The following CDKL5 variants were observed in gnomAD, a reference collection of about 807,000 sequenced individuals.
CDKL5 encodes cyclin-dependent kinase-like 5.
Under a neutral mutation model 61.7 loss-of-function variants are expected in CDKL5, and 8 were observed. The ratio of observed to expected loss-of-function variants is 0.13; its 90% CI spans 0.08 to 0.23. The LOEUF (loss-of-function observed/expected upper bound fraction) is 0.23, where lower values mean the gene tolerates loss of function less well. CDKL5 is among the 10% of genes least tolerant of loss of function. The pLI is 1.00. For missense variants in CDKL5, 440 were observed against 734.5 expected, an observed-to-expected ratio of 0.60 and a Z score of 4.63; for synonymous variants, 275 against 272.3, an observed-to-expected ratio of 1.01 and a Z score of -0.10.
chrX:18,642,745 G>C (rs1239924783), downstream of CDKL5, among the ~76,000 whole-genome samples: 1 of 112,202 alleles, frequency 8.9e-6, no homozygotes, highest in Admixed American at 9.4e-5. Flanking sequence ...TTTTTAAAAA[G>C]ACATAAAAAC....
At chrX:18,432,530 C>T (rs1272929858) in intron 1 of CDKL5, among the ~76,000 whole-genome samples, 2 of 110,645 alleles carry the variant, frequency 1.8e-5, no homozygotes, top group African/African-American at 3.3e-5. Context: ...GTGTAAGCTA[C>T]CGTGCCTGGC....
chrX:18,519,311 A>T (rs1397193081), intron 3 of CDKL5, among the ~76,000 whole-genome samples: 1 of 112,090 alleles, frequency 8.9e-6, no homozygotes, highest in Non-Finnish European at 1.9e-5. Flanking sequence ...AAAGCCTGAA[A>T]TATTTATTAT....
chrX:18,467,620 A>G (rs1017381099), intron 1 of CDKL5, among the ~76,000 whole-genome samples: 6 of 111,829 alleles, frequency 5.4e-5, no homozygotes, highest in Non-Finnish European at 5.6e-5. Context: ...TAGCATTTTC[A>G]TGCATGCTCC....
intron 17 of CDKL5, 36 bp from the exon 18 acceptor site, chrX:18,628,335 C>T (rs1214026897): frequency 1.7e-6 from 2 of 1,198,419 alleles, no homozygotes; most frequent in East Asian, 5.9e-5. Flanking sequence ...GTCGCTCTAA[C>T]TTGAATCCTG....
chrX:18,584,856 C>A lies in CDKL5; in HGVS notation c.554+503C>A, dbSNP rs41297309. ...CATGTTACATGACCAACCCCTGATT[C>A]ATGGTATGGAGAAATAAATTCCATC... On this transcript the variant is annotated intron_variant, in intron 8 of 17. Transcript: ENST00000623535. Among the ~76,000 whole-genome samples, 389 of 111,844 alleles carry A rather than the reference C, an allele frequency of 3.5e-3. 2 individuals are homozygous for A. In the Middle Eastern group the frequency reaches 0.042, roughly 12 times the overall value.
intron 12 of CDKL5, 119 bp downstream of exon 12, chrX:18,604,987 G>A: frequency 1.2e-6 from 1 of 858,520 alleles, no homozygotes; most frequent in Non-Finnish European, 1.7e-6. Flanking sequence ...TTCTTGATAG[G>A]ATGCATTTAG....
chrX:18,431,598 T>C (rs1413785391), intron 1 of CDKL5, among the ~76,000 whole-genome samples: 1 of 108,783 alleles, frequency 9.2e-6, no homozygotes, highest in African/African-American at 3.4e-5. Flanking sequence ...ATTTTTTTTT[T>C]TGTATTTTTA....
downstream of CDKL5, chrX:18,644,744 A>G: frequency 1.5e-6 from 1 of 688,572 alleles, no homozygotes; most frequent in Admixed American, 2.6e-5. Flanking sequence ...AAGCTCGGGC[A>G]GTCTGGGCTG....
At chrX:18,487,928 A>C (rs1042529083) in intron 1 of CDKL5, among the ~76,000 whole-genome samples, 1 of 111,291 alleles carries the variant, frequency 9.0e-6, no homozygotes, top group African/African-American at 3.3e-5. Context: ...GGGAAGAAAA[A>C]AAATCACTTC....
At chrX:18,470,355 GAAAAAAAAAAAAAAGAAGAAAAGA>G (rs1217527575) in intron 1 of CDKL5, among the ~76,000 whole-genome samples, 251 of 7,311 alleles carry the variant, frequency 0.034, no homozygotes, top group African/African-American at 0.12. Flanking sequence ...AAGAAGAAAA[GAAAAAAAAAAAAAAGAAGAAAAGA>G]AAAAAAAAAA....
intron 3 of CDKL5, among the ~76,000 whole-genome samples, chrX:18,549,819 C>T (rs1924322135): frequency 9.0e-6 from 1 of 111,374 alleles, no homozygotes; most frequent in African/African-American, 3.3e-5. Flanking sequence ...AAGCTTATGC[C>T]CCATCCCCCT....
rs750290367 is a variant in CDKL5 at position 18,501,540 on chromosome X, A to T, written c.-162-5395A>T. Among the ~76,000 whole-genome samples, 692 of 110,534 alleles carry T rather than the reference A, an allele frequency of 6.3e-3. 2 individuals carry two copies. Among genetic ancestry groups the T allele is most frequent in the Middle Eastern group, 0.042 (9 of 216 alleles). On this transcript the variant is annotated intron_variant, in intron 1 of 17. Coordinates refer to ENST00000623535, the MANE Select transcript of CDKL5 (RefSeq NM_001323289.2). ...AATAGTGAGACCAAATGTTTTTTTTAAAAAATTTTTATTTTTTTTTATTTT... is the reference window on the plus strand; with the variant it reads ...AATAGTGAGACCAAATGTTTTTTTTTAAAAATTTTTATTTTTTTTTATTTT...
At chrX:18,609,319 G>C in intron 13 of CDKL5, 146 bp from the exon 14 acceptor site, 1 of 1,007,944 alleles carries the variant, frequency 9.9e-7, no homozygotes, top group Non-Finnish European at 1.3e-6. Context: ...GCTTGAACTG[G>C]GGCAGTCAAG....
intron 5 of CDKL5, among the ~76,000 whole-genome samples, chrX:18,577,965 T>A (rs1188830593): frequency 1.8e-5 from 2 of 112,579 alleles, no homozygotes; most frequent in African/African-American, 6.5e-5. Context: ...ATAAATACTG[T>A]ATGTATTCAT....
At chrX:18,601,491 G>A in intron 11 of CDKL5, among the ~76,000 whole-genome samples, 1 of 112,661 alleles carries the variant, frequency 8.9e-6, no homozygotes, top group East Asian at 2.8e-4. Context: ...GTGTGTCGAA[G>A]AGATCTATGG....
At chrX:18,467,412 A>G (rs1920971690) in intron 1 of CDKL5, among the ~76,000 whole-genome samples, 1 of 111,736 alleles carries the variant, frequency 8.9e-6, no homozygotes, top group East Asian at 2.8e-4. Flanking sequence ...TCTTCTTTCT[A>G]GCCTGCTGCC....
rs267608481 is a variant in CDKL5 at position 18,584,219 on chromosome X, ATTTC to A, written c.464-40_464-37del. The A allele has an allele frequency of 7.4e-4, 652 of 884,973 alleles. 2 individuals carry two copies. Among genetic ancestry groups the A allele is most frequent in the Non-Finnish European group, 7.5e-4 (446 of 598,503 alleles). 72.9% of individuals were successfully genotyped at this position (884,973 alleles called of 1,213,427 possible). ...AAATATTTTGCCCACATGAATTATTATTTCTTTTTCAAAGTTACAACTTTGGACT... is the reference window on the plus strand; with the variant it reads ...AAATATTTTGCCCACATGAATTATTATTTTTCAAAGTTACAACTTTGGACT... On this transcript the variant is annotated intron_variant, in intron 7 of 17. Coordinates refer to ENST00000623535, the MANE Select transcript of CDKL5 (RefSeq NM_001323289.2).
intron 1 of CDKL5, among the ~76,000 whole-genome samples, chrX:18,471,280 T>C (rs1921086364): frequency 8.9e-6 from 1 of 112,200 alleles, no homozygotes; most frequent in African/African-American, 3.2e-5. Context: ...CATATCAGGG[T>C]AAATGGAGTA....
At position 18,475,733 on chromosome X, in the gene CDKL5, T is replaced by C. The variant is rs1449119670; in HGVS notation, c.-162-31202T>C. On this transcript the variant is annotated intron_variant, in intron 1 of 17. Transcript: ENST00000623535. ...CTTCTAATACTTAGTATTAATACAG[T>C]GAGAACTGGTGGTGGTACTTCAGTG... 1.8e-5 allele frequency among the ~76,000 whole-genome samples: 2 copies of C among 112,620 alleles called. 1 individual carries two copies. The highest frequency in any genetic ancestry group is 6.4e-5 in the African/African-American group (2 of 31,033).
Sources: allele counts gnomAD v4.1 joint callset (sites outside exome capture counted in the v4.1 genomes callset), GRCh38; gene constraint gnomAD v4.1.1; transcripts MANE v1.5; gene names NCBI Gene and HGNC (gene_info 2026-07-23, HGNC 2026-07-21).